Variants in DSP observed in about 807,000 individuals in gnomAD.
DSP encodes desmoplakin.
In DSP, 114 loss-of-function variants were observed where a neutral mutation model predicts 290.6. The ratio of observed to expected loss-of-function variants is 0.39; its 90% confidence interval spans 0.34 to 0.46. DSP has a LOEUF of 0.46. Among genes scored for constraint, DSP ranks in the 20% least tolerant of loss-of-function variants. The probability of loss-of-function intolerance (pLI) is 0.99; values close to 1 mark genes in which losing one functional copy is unlikely to be tolerated. For missense variants in DSP, 3,230 were observed against 3,495.8 expected, an observed-to-expected ratio of 0.92 and a Z score of 1.92; for synonymous variants, 1,311 against 1,316.4, an observed-to-expected ratio of 1.00 and a Z score of 0.09.
chr6:7,577,025 T>A lies in DSP; in HGVS notation c.2860T>A (p.Cys954Ser). 1 of 1,611,756 alleles carries A rather than the reference T, an allele frequency of 6.2e-7. No individual in the cohort carries two copies. The highest frequency in any genetic ancestry group is 8.5e-7 in the Non-Finnish European group (1 of 1,179,058). Reference sequence around the variant, plus strand: ...GGAAGTACAAAAAATTGCTGAACTTTGCGCCAATTCAATTAAGGTATGTTG... The same window carrying A: ...GGAAGTACAAAAAATTGCTGAACTTAGCGCCAATTCAATTAAGGTATGTTG... ...SEEVQKIAEL[C>S]ANSIKDYELQ... Residue 954 changes from cysteine to serine, a missense_variant, in exon 20 of 24, where the codon TGC becomes AGC. Coordinates refer to ENST00000379802, the MANE Select transcript of DSP (RefSeq NM_004415.4).
chr6:7,571,344 G>C (rs1321117312), intron 13 of DSP, 39 bp from the exon 14 acceptor site: 1 of 1,612,858 alleles, frequency 6.2e-7, no homozygotes, highest in Non-Finnish European at 8.5e-7. Context: ...TTGTGGGGCA[G>C]TCATAAATCC....
At position 7,583,348 on chromosome 6, in the gene DSP, A is replaced by G. The variant is rs753271305; in HGVS notation, c.6086A>G (p.Tyr2029Cys). 1.2e-6 allele frequency: 2 copies of G among 1,614,086 alleles called. No homozygotes were observed. Among genetic ancestry groups the G allele is most frequent in the East Asian group, 4.5e-5 (2 of 44,882 alleles). ...GCATCTGCTTCTCCTAAGGAAAAATACTCTTTGGTAGAGGCCAAGAGAAAG... is the reference window on the plus strand; with the variant it reads ...GCATCTGCTTCTCCTAAGGAAAAATGCTCTTTGGTAGAGGCCAAGAGAAAG... ...AGASASPKEK[Y>C]SLVEAKRKKL... The change falls in exon 24 of 24, where the codon TAC (tyrosine) becomes TGC (cysteine). Residue 2029 changes from tyrosine to cysteine, a missense_variant. Transcript: ENST00000379802. The surrounding 1 kb of genome is among the most constrained non-coding windows in gnomAD (Gnocchi z 4.0).
chr6:7,571,771 T>A lies in DSP; in HGVS notation c.1904-71T>A. 5 of 1,547,156 alleles carry A rather than the reference T, an allele frequency of 3.2e-6. No individual in the cohort carries two copies. In the South Asian group the frequency reaches 5.6e-5, roughly 17 times the overall value. ...AAGGTATACTTTTAGGTAGTATGGA[T>A]GTTTTTTGAGGCCTAGCACCTTGAT... is the stretch of plus-strand genomic sequence containing the variant. On this transcript the variant is annotated intron_variant, in intron 14 of 23. Coordinates refer to ENST00000379802, the MANE Select transcript of DSP (RefSeq NM_004415.4).
intron 15 of DSP, among the ~76,000 whole-genome samples, chr6:7,572,326 T>C (rs1352066597): frequency 6.6e-6 from 1 of 152,230 alleles, no homozygotes; most frequent in Non-Finnish European, 1.5e-5. Flanking sequence ...TTAATTTGGC[T>C]TCTTGCAGAG....
chr6:7,550,975 A>C (rs2744362), intron 1 of DSP, among the ~76,000 whole-genome samples: 41,808 of 151,906 alleles, frequency 0.28, 6,424 homozygotes, highest in African/African-American at 0.41. Context: ...GATTTAAAAA[A>C]ATGTGTATAC....
rs148041814 is a variant in DSP at position 7,580,679 on chromosome 6, C to T, written c.4489C>T (p.Arg1497Trp). 466 of 1,613,952 alleles carry T rather than the reference C, an allele frequency of 2.9e-4. No individual in the cohort carries two copies. In the African/African-American group the frequency reaches 5.4e-3, roughly 19 times the overall value. The stretch of plus-strand genomic sequence containing the variant: ...ACTGATCGACAAAGAAACAAATGAC[C>T]GGAAATGCCTGGAAGATGAAAACGC... ...KQLIDKETND[R>W]KCLEDENARL... Residue 1497 changes from arginine (R) to tryptophan (W), a missense_variant, in exon 23 of 24, where the codon CGG becomes TGG. Physicochemically the swap from Arg to Trp is moderately radical, Grantham distance 101. Around this residue, in one of 5 missense-constraint regions of DSP, gnomAD observed 1,714 missense variants for 1,844.5 expected, o/e 0.93. Transcript: ENST00000379802. The surrounding 1 kb of genome is among the most constrained non-coding windows in gnomAD (Gnocchi z 4.2).
intron 1 of DSP, among the ~76,000 whole-genome samples, chr6:7,552,264 G>C (rs1051990252): frequency 2.0e-5 from 3 of 152,026 alleles, no homozygotes; most frequent in Non-Finnish European, 4.4e-5. Flanking sequence ...TGGATATCAG[G>C]AACATATGAG....
intron 16 of DSP, 133 bp from the exon 17 acceptor site, chr6:7,574,524 A>T: frequency 1.5e-6 from 2 of 1,355,146 alleles, no homozygotes; most frequent in Non-Finnish European, 2.1e-6. Flanking sequence ...GAATCACAAT[A>T]GACCAAAAAA....
In DSP at chr6:7,569,337, G is replaced by A. The variant is rs1408103703; in HGVS notation, c.1571G>A (p.Cys524Tyr). The part of the protein sequence containing the change: ...PPNPLAVDLS[C>Y]KIEQYYEAIL... ...AACCCACTGGCCGTGGACCTCTCTT[G>A]CAAGTAAGTCATCCAAGTTCCCAAA... Residue 524 changes from cysteine to tyrosine, a missense_variant, in exon 12 of 24, where the codon TGC becomes TAC. Transcript: ENST00000379802. 1 of 1,614,052 alleles carries A rather than the reference G, an allele frequency of 6.2e-7. No homozygotes were observed. The highest frequency in any genetic ancestry group is 1.7e-5 in the Admixed American group (1 of 60,002).
Position 7,558,135 on chromosome 6 carries a change from G to C in DSP, c.293G>C (p.Gly98Ala), listed in dbSNP as rs1758555800. 2 of 1,614,204 alleles carry C rather than the reference G, an allele frequency of 1.2e-6. No individual in the cohort carries two copies. The highest frequency in any genetic ancestry group is 1.3e-5 in the African/African-American group (1 of 75,042). Residue 98 changes from glycine (G) to alanine (A), a missense_variant, in exon 3 of 24, where the codon GGA becomes GCA. Coordinates refer to ENST00000379802, the MANE Select transcript of DSP (RefSeq NM_004415.4). The part of the protein sequence containing the change: ...IVQPELKYGD[G>A]IQLTRSRELD... The stretch of plus-strand genomic sequence containing the variant: ...TTTCAGGAATTGAAGTATGGAGATG[G>C]AATACAACTGACTCGGAGTCGAGAA...
rs375453099 is a variant in DSP, at chr6:7,544,075, G to A, written c.170+1990G>A. ...AAATTACCTGACTTTGAGGAAGGATGTTTTTTCTTCTCATTAATGTTGCTC... is the reference window on the plus strand; with the variant it reads ...AAATTACCTGACTTTGAGGAAGGATATTTTTTCTTCTCATTAATGTTGCTC... On this transcript the variant is annotated intron_variant, in intron 1 of 23. Transcript: ENST00000379802. Among the ~76,000 whole-genome samples, 18 of 152,266 alleles carry A rather than the reference G, an allele frequency of 1.2e-4. No homozygotes were observed. The East Asian group carries it at 2.9e-3, about 24-fold the overall frequency.
chr6:7,559,588 A>G (rs558904563), intron 4 of DSP, among the ~76,000 whole-genome samples, 188 bp downstream of exon 4: 1 of 152,268 alleles, frequency 6.6e-6, no homozygotes, highest in Non-Finnish European at 1.5e-5. Flanking sequence ...ATGAGATTTC[A>G]GTGTGGCTTG....
chr6:7,567,850 C>A lies in DSP; in HGVS notation c.1210C>A (p.Pro404Thr). 6.2e-7 allele frequency: 1 copy of A among 1,614,034 alleles called. No individual in the cohort carries two copies. Among genetic ancestry groups the A allele is most frequent in the Non-Finnish European group, 8.5e-7 (1 of 1,179,980 alleles). The change falls in exon 10 of 24, where the codon CCC (proline) becomes ACC (threonine). Residue 404 changes from proline (P) to threonine (T), a missense_variant. Pro to Thr is a conservative substitution (Grantham distance 38, BLOSUM62 -1). Coordinates refer to ENST00000379802, the MANE Select transcript of DSP (RefSeq NM_004415.4). ...GLQDSIRKKYPCDKNMPLQHL... is the reference protein window; with the variant it reads ...GLQDSIRKKYTCDKNMPLQHL... ...CCAGGACTCCATCAGGAAGAAGTAC[C>A]CCTGCGACAAGAACATGCCCCTGCA...
rs1467235605 is a variant in DSP at position 7,585,746 on chromosome 6, C to T, written c.8484C>T (p.Gly2828=). The T allele has an allele frequency of 6.2e-7, 1 of 1,610,336 alleles. No homozygotes were observed. Among genetic ancestry groups the T allele is most frequent in the Non-Finnish European group, 8.5e-7 (1 of 1,178,006 alleles). ...CTTCGGCTCCGGGGTCCCGCTCCGG[C>T]TCCCGCTCGGGATCTCGCTCCGGAT... ...NMSSAPGSRS[G]SRSGSRSGSR... Residue 2828 remains glycine, a synonymous_variant, in exon 24 of 24, where the codon GGC becomes GGT. Coordinates refer to ENST00000379802, the MANE Select transcript of DSP (RefSeq NM_004415.4).
chr6:7,581,200 G>A lies in DSP; in HGVS notation c.5010G>A (p.Gln1670=). ...EVEALRRQLL[Q]EQESVKQAHL... is the part of the protein sequence containing the mutation. ...AGGCCCTGAGGCGGCAGTTACTCCA[G>A]GAACAGGAAAGTGTCAAACAAGCTC... is the stretch of plus-strand genomic sequence containing the variant. Residue 1670 remains glutamine, a synonymous_variant, in exon 23 of 24, where the codon CAG becomes CAA. Coordinates refer to ENST00000379802, the MANE Select transcript of DSP (RefSeq NM_004415.4). 6.2e-7 allele frequency: 1 copy of A among 1,614,184 alleles called. No homozygotes were observed.
Position 7,559,164 on chromosome 6 carries a change from G to A in DSP, c.423-62G>A, listed in dbSNP as rs1758594373. 6.9e-6 allele frequency: 11 copies of A among 1,584,406 alleles called. No homozygotes were observed. In the South Asian group the frequency reaches 1.2e-4, roughly 18 times the overall value. On this transcript the variant is annotated intron_variant, in intron 3 of 23. Transcript: ENST00000379802. The stretch of plus-strand genomic sequence containing the variant: ...AAAAGACTCAGAAAAGGGGAAATTT[G>A]CCCAGAACGGGTTTTCATAGGCTGT...
Position 7,583,399 on chromosome 6 carries a change from T to G in DSP, c.6137T>G (p.Val2046Gly), listed in dbSNP as rs746016404. 3.1e-6 allele frequency: 5 copies of G among 1,614,010 alleles called. No homozygotes were observed. Among genetic ancestry groups the G allele is most frequent in the African/African-American group, 1.3e-5 (1 of 74,904 alleles). ...RKKLISPEST[V>G]MLLEAQAATG... is the part of the protein sequence containing the mutation. ...AAATTAATCAGCCCAGAATCCACAG[T>G]CATGCTTCTGGAGGCCCAGGCAGCT... is the stretch of plus-strand genomic sequence containing the variant. Residue 2046 changes from valine to glycine, a missense_variant, in exon 24 of 24, where the codon GTC (valine) becomes GGC (glycine). Transcript: ENST00000379802. The surrounding 1 kb of genome is among the most constrained non-coding windows in gnomAD (Gnocchi z 4.0).
In DSP at chr6:7,579,844, G is replaced by C. The variant is rs745348393; in HGVS notation, c.3654G>C (p.Lys1218Asn). 2.5e-6 allele frequency: 4 copies of C among 1,613,924 alleles called. No individual in the cohort carries two copies. The East Asian group carries it at 6.7e-5, about 27-fold the overall frequency. ...NKYETEINIT[K>N]TTIKEISMQK... ...ATGAAACAGAGATTAACATTACGAA[G>C]ACCACCATCAAGGAGATATCCATGC... Residue 1218 changes from lysine to asparagine, a missense_variant, in exon 23 of 24, where the codon AAG becomes AAC. Coordinates refer to ENST00000379802, the MANE Select transcript of DSP (RefSeq NM_004415.4). The surrounding 1 kb of genome is among the most constrained non-coding windows in gnomAD (Gnocchi z 4.1).
intron 5 of DSP, 145 bp downstream of exon 5, chr6:7,562,925 A>C: frequency 3.3e-6 from 4 of 1,219,158 alleles, no homozygotes; most frequent in East Asian, 2.6e-5. Context: ...CACTTCTTAA[A>C]TGGGGAAGTG....
Sources: allele counts gnomAD v4.1 joint callset (sites outside exome capture counted in the v4.1 genomes callset), GRCh38; gene constraint gnomAD v4.1.1; regional missense constraint gnomAD v4.1.1; non-coding constraint Gnocchi (gnomAD v3.1); transcripts MANE v1.5; gene names NCBI Gene and HGNC (gene_info 2026-07-23, HGNC 2026-07-21).